GRIA2: variants seen among roughly 807,000 people sequenced by gnomAD.
GRIA2 encodes glutamate receptor 2.
GRIA2 carries 14 observed loss-of-function variants against 97.3 expected under a neutral mutation model. That is an observed-to-expected ratio of 0.14 (90% CI 0.10 to 0.23). The LOEUF (loss-of-function observed/expected upper bound fraction) is 0.23. GRIA2 is among the 10% of genes least tolerant of loss of function. GRIA2 has a pLI of 1.00. For synonymous variants in GRIA2, 412 were observed against 387.8 expected, an observed-to-expected ratio of 1.06 and a Z score of -0.73; for missense variants, 558 against 1,069.8, an observed-to-expected ratio of 0.52 and a Z score of 6.67.
chr4:157,271,624 G>A (rs115631846), intron 2 of GRIA2, among the ~76,000 whole-genome samples: 7,829 of 152,116 alleles, frequency 0.051, 295 homozygotes, highest in Non-Finnish European at 0.081. Context: ...AATTTTTATG[G>A]AGGATTCATC....
intron 11 of GRIA2, 60 bp from the exon 12 acceptor site, chr4:157,341,204 C>T: frequency 1.8e-6 from 2 of 1,127,226 alleles, no homozygotes; most frequent in Non-Finnish European, 2.7e-6. Flanking sequence ...ATACTGCTAA[C>T]TTGTTTTTTT....
At chr4:157,220,717 C>G (rs1314759981), upstream of GRIA2, 1 of 361,694 alleles carries the variant, frequency 2.8e-6, no homozygotes, top group Non-Finnish European at 5.1e-6. Context: ...GAAGAGAGCG[C>G]GAGAGAGGGT....
At chr4:157,301,322 T>C (rs1037288314) in intron 2 of GRIA2, among the ~76,000 whole-genome samples, 2 of 152,210 alleles carry the variant, frequency 1.3e-5, no homozygotes, top group African/African-American at 4.8e-5. Flanking sequence ...ACACTAAAGG[T>C]TATTTTCAAC....
intron 2 of GRIA2, among the ~76,000 whole-genome samples, chr4:157,226,353 A>G (rs1389806967): frequency 6.6e-6 from 1 of 152,116 alleles, no homozygotes; most frequent in Non-Finnish European, 1.5e-5. Flanking sequence ...AATGACATCT[A>G]ATTTGAAGAA....
chr4:157,332,127 A>G (rs1460672088), intron 6 of GRIA2, among the ~76,000 whole-genome samples: 2 of 152,084 alleles, frequency 1.3e-5, no homozygotes, highest in African/African-American at 4.8e-5. Context: ...GACACTGACA[A>G]TGCCTTGTAC....
chr4:157,363,197 C>A (rs1736713320), intron 15 of GRIA2, 150 bp downstream of exon 15: 6 of 840,742 alleles, frequency 7.1e-6, no homozygotes, highest in Non-Finnish European at 1.1e-5. Flanking sequence ...GACTAACCTG[C>A]AGCTCAACTG....
chr4:157,264,405 A>G (rs1235785511), intron 2 of GRIA2, among the ~76,000 whole-genome samples: 1 of 152,018 alleles, frequency 6.6e-6, no homozygotes, highest in Non-Finnish European at 1.5e-5. Context: ...AAATCCTGCA[A>G]TGGAAGGCCT....
At chr4:157,336,264 A>C (rs942377358) in intron 10 of GRIA2, 113 bp from the exon 11 acceptor site, 2 of 901,234 alleles carry the variant, frequency 2.2e-6, no homozygotes, top group Non-Finnish European at 1.7e-6. Flanking sequence ...CAAGGAAAAA[A>C]TTATTGTCAT....
At chr4:157,328,951 T>A (rs187101635) in intron 6 of GRIA2, among the ~76,000 whole-genome samples, 7 of 152,122 alleles carry the variant, frequency 4.6e-5, no homozygotes, top group African/African-American at 1.7e-4. Context: ...GTGTGCTTAC[T>A]AAGGTTTTTA....
At chr4:157,362,623 T>C (rs1268297258) in intron 14 of GRIA2, among the ~76,000 whole-genome samples, 176 bp from the exon 15 acceptor site, 1 of 152,158 alleles carries the variant, frequency 6.6e-6, no homozygotes, top group Non-Finnish European at 1.5e-5. Context: ...AATTTTATGT[T>C]GTTTCATGGT....
At chr4:157,222,810 A>G (rs1443832735) in intron 2 of GRIA2, among the ~76,000 whole-genome samples, 1 of 152,148 alleles carries the variant, frequency 6.6e-6, no homozygotes, top group Non-Finnish European at 1.5e-5. Flanking sequence ...CTAGAAACCA[A>G]ACAATTAGGG....
At chr4:157,324,672 T>A (rs959260012) in intron 6 of GRIA2, among the ~76,000 whole-genome samples, 4 of 152,082 alleles carry the variant, frequency 2.6e-5, no homozygotes, top group Admixed American at 2.6e-4. Flanking sequence ...ATGTAAATAT[T>A]TGGGACCAGT....
At chr4:157,221,379 C>G in intron 1 of GRIA2, 1 of 561,996 alleles carries the variant, frequency 1.8e-6, no homozygotes, top group Non-Finnish European at 3.1e-6. Flanking sequence ...GCCTTAGCGA[C>G]ATTTTCCAGT....
intron 2 of GRIA2, among the ~76,000 whole-genome samples, chr4:157,291,741 A>G (rs1174992263): frequency 6.6e-6 from 1 of 152,036 alleles, no homozygotes; most frequent in Non-Finnish European, 1.5e-5. Context: ...TTCACAAAGT[A>G]GAAAGTTCCA....
At chr4:157,306,887 T>C (rs545061236) in intron 3 of GRIA2, among the ~76,000 whole-genome samples, 47 of 152,304 alleles carry the variant, frequency 3.1e-4, no homozygotes, top group Admixed American at 2.2e-3. Flanking sequence ...GTCACATGAT[T>C]TGAAGAATGC....
In GRIA2 at chr4:157,267,529, TA is replaced by T. The variant is rs1296407775; in HGVS notation, c.230-36022del. Among the ~76,000 whole-genome samples, 5 of 152,250 alleles carry T rather than the reference TA, an allele frequency of 3.3e-5. No homozygotes were observed. The South Asian group carries it at 6.2e-4, about 19-fold the overall frequency. ...TAAAGACCTATCATCCTGCTGCTGT[TA>T]TTGACAATTTTCTAGTTAACATTAA... On this transcript the variant is annotated intron_variant, in intron 2 of 15. Transcript: ENST00000264426.
At chr4:157,233,203 A>G (rs960442385) in intron 2 of GRIA2, among the ~76,000 whole-genome samples, 1 of 152,144 alleles carries the variant, frequency 6.6e-6, no homozygotes, top group African/African-American at 2.4e-5. Context: ...AATAAATCAC[A>G]TAAGTCACTG....
chr4:157,363,437 G>A lies in GRIA2; in HGVS notation c.*6G>A. On this transcript the variant is annotated splice_region_variant and 3_prime_UTR_variant, in exon 16 of 16. Coordinates refer to ENST00000264426, the MANE Select transcript of GRIA2 (RefSeq NM_001083619.3). ...CTTTCCCTCCTCTCTCATTTAAGAT[G>A]ACCTTGAATGATGCCATGAGGAACA... is the stretch of plus-strand genomic sequence containing the variant. 8.0e-7 allele frequency: 1 copy of A among 1,242,276 alleles called. No individual in the cohort carries two copies. Among genetic ancestry groups the A allele is most frequent in the Admixed American group, 3.9e-5 (1 of 25,790 alleles). The allele number at this position is 1,242,276 out of a possible 1,614,324, so 77.0% of individuals were successfully genotyped here.
chr4:157,302,098 G>A (rs1015069077), intron 2 of GRIA2, among the ~76,000 whole-genome samples: 2 of 151,532 alleles, frequency 1.3e-5, no homozygotes, highest in East Asian at 1.9e-4. Context: ...GCTTGAACCC[G>A]GGAGGCGGAG....
Sources: gnomAD v4.1 joint callset for allele counts (sites outside exome capture counted in the v4.1 genomes callset) on GRCh38, gnomAD v4.1.1 for gene constraint, MANE v1.5 for transcripts, NCBI Gene and HGNC (gene_info 2026-07-23, HGNC 2026-07-21) for gene names.